Variants in PTPRO observed in about 807,000 individuals in gnomAD.
PTPRO encodes the protein receptor-type tyrosine-protein phosphatase O.
In PTPRO, 62 loss-of-function variants were observed where a neutral mutation model predicts 145.2. That is an observed-to-expected ratio of 0.43 (90% confidence interval 0.35 to 0.53). PTPRO has a LOEUF of 0.53. Among genes scored for constraint, PTPRO ranks in the 20% least tolerant of loss-of-function variants. The pLI, the probability that PTPRO is intolerant of heterozygous loss-of-function variation, is 0.01. For synonymous variants in PTPRO, 565 were observed against 514.7 expected (o/e 1.10, Z -1.32); for missense variants, 1,345 against 1,482.7 (o/e 0.91, Z 1.53).
At position 15,322,605 on chromosome 12, in the gene PTPRO, C is replaced by T; in HGVS notation, c.-122C>T. Reference sequence around the variant, plus strand: ...GCAGGGGGACTGGAAAGGCAGCATGCGCTCGCCAGGAGCAACCTCGGCGCC... The same window carrying T: ...GCAGGGGGACTGGAAAGGCAGCATGTGCTCGCCAGGAGCAACCTCGGCGCC... On this transcript the variant is annotated 5_prime_UTR_variant, in exon 1 of 27. Transcript: ENST00000281171. This position sits in a 1 kb window ranked among gnomAD's most constrained non-coding sequence, Gnocchi z 6.3. The T allele has an allele frequency of 1.2e-6, 1 of 805,744 alleles. No homozygotes were observed. The highest frequency in any genetic ancestry group is 2.1e-6 in the Non-Finnish European group (1 of 471,376). The allele number at this position is 805,744 out of a possible 1,614,324, so 49.9% of individuals were successfully genotyped here.
At position 15,499,572 on chromosome 12, in the gene PTPRO, C is replaced by T. The variant is rs142711597; in HGVS notation, c.639C>T (p.His213=). 358 of 1,613,696 alleles carry T rather than the reference C, an allele frequency of 2.2e-4. No homozygotes were observed. The African/African-American group carries it at 2.9e-3, about 13-fold the overall frequency. Reference sequence around the variant, plus strand: ...TTGTTGAGTACAGTGGTGTCAGTCACGAACCCAAACAGCACAGAACTGGTA... The same window carrying T: ...TTGTTGAGTACAGTGGTGTCAGTCATGAACCCAAACAGCACAGAACTGGTA... ...STLVEYSGVS[H]EPKQHRTAPY... is the part of the protein sequence containing the mutation. Residue 213 remains histidine (H), a synonymous_variant, in exon 4 of 27, where the codon CAC becomes CAT. Transcript: ENST00000281171.
chr12:15,422,733 A>G (rs1347884564), intron 1 of PTPRO, among the ~76,000 whole-genome samples: 1 of 152,184 alleles, frequency 6.6e-6, no homozygotes, highest in Non-Finnish European at 1.5e-5. Context: ...CATATTTAGG[A>G]AATGTTTGCT....
chr12:15,466,320 C>G (rs1941414369), intron 1 of PTPRO, among the ~76,000 whole-genome samples: 1 of 152,042 alleles, frequency 6.6e-6, no homozygotes, highest in Non-Finnish European at 1.5e-5. Context: ...AGTAATCATT[C>G]TGATTCAGTT....
At chr12:15,571,025 GA>G (rs1480611624) in intron 19 of PTPRO, among the ~76,000 whole-genome samples, 1 of 152,180 alleles carries the variant, frequency 6.6e-6, no homozygotes, top group Non-Finnish European at 1.5e-5. Flanking sequence ...TAAACTAAAG[GA>G]AAGGGGGTTT....
At chr12:15,449,050 A>C (rs9651808) in intron 1 of PTPRO, among the ~76,000 whole-genome samples, 134,713 of 151,468 alleles carry the variant, frequency 0.89, 61,604 homozygotes, top group Non-Finnish European at 0.99. Flanking sequence ...ATTCGCAAAT[A>C]GGGCATCCCC....
intron 14 of PTPRO, 62 bp from the exon 15 acceptor site, chr12:15,551,489 A>T (rs1943458007): frequency 1.9e-6 from 3 of 1,590,930 alleles, no homozygotes; most frequent in Non-Finnish European, 2.6e-6. Context: ...AAAGCAATGA[A>T]TGGTTCTGTT....
intron 16 of PTPRO, among the ~76,000 whole-genome samples, chr12:15,558,038 A>T (rs2135579644): frequency 6.6e-6 from 1 of 152,048 alleles, no homozygotes; most frequent in South Asian, 2.1e-4. Context: ...GGGCTCAAGT[A>T]ATCTTTCCAC....
rs573475779 is a variant in PTPRO, at chr12:15,427,669, C to A, written c.76-56305C>A. 3.6e-3 allele frequency among the ~76,000 whole-genome samples: 541 copies of A among 151,470 alleles called. 3 individuals carry two copies. Among genetic ancestry groups the A allele is most frequent in the African/African-American group, 0.012 (516 of 41,352 alleles). On this transcript the variant is annotated intron_variant, in intron 1 of 26. Transcript: ENST00000281171. ...ATTAAGAATCTTTTTAATATCTTAA[C>A]CTTACATGTATAAATTTATTAGGTC...
chr12:15,453,298 G>A (rs886437557), intron 1 of PTPRO, among the ~76,000 whole-genome samples: 1 of 151,936 alleles, frequency 6.6e-6, no homozygotes, highest in Non-Finnish European at 1.5e-5. Flanking sequence ...CAGCATGGGT[G>A]ACAGAGTGAG....
rs575801363 is a variant in PTPRO, at chr12:15,451,646, C to T, written c.76-32328C>T. ...GAAAATTGAAATTATATCAAGCACTCTCTCAGACCACAATGGAATAAAATT... is the reference window on the plus strand; with the variant it reads ...GAAAATTGAAATTATATCAAGCACTTTCTCAGACCACAATGGAATAAAATT... On this transcript the variant is annotated intron_variant, in intron 1 of 26. Transcript: ENST00000281171. Among the ~76,000 whole-genome samples, 12 of 152,276 alleles carry T rather than the reference C, an allele frequency of 7.9e-5. No individual in the cohort carries two copies. In the South Asian group the frequency reaches 1.5e-3, roughly 18 times the overall value.
chr12:15,410,685 A>G (rs1939774619), intron 1 of PTPRO: 1 of 152,196 alleles, frequency 6.6e-6, no homozygotes, highest in African/African-American at 2.4e-5. Flanking sequence ...TTTGCATCCT[A>G]ATGAAAATGT....
chr12:15,570,752 T>C (rs1287971393), intron 19 of PTPRO, among the ~76,000 whole-genome samples: 1 of 152,194 alleles, frequency 6.6e-6, no homozygotes, highest in African/African-American at 2.4e-5. Flanking sequence ...AATAAATAGC[T>C]AGATGATTCT....
At chr12:15,449,005 A>G (rs1423757892) in intron 1 of PTPRO, among the ~76,000 whole-genome samples, 1 of 151,642 alleles carries the variant, frequency 6.6e-6, no homozygotes, top group African/African-American at 2.4e-5. Flanking sequence ...AAAGTTAGGC[A>G]GAATTAAATT....
chr12:15,522,734 A>ATT (rs1942751307), intron 10 of PTPRO, among the ~76,000 whole-genome samples: 1 of 152,172 alleles, frequency 6.6e-6, no homozygotes, highest in Non-Finnish European at 1.5e-5. Flanking sequence ...CAATCATAGT[A>ATT]ATTATGCGGA....
intron 10 of PTPRO, among the ~76,000 whole-genome samples, chr12:15,523,820 C>T (rs555735710): frequency 2.0e-5 from 3 of 150,618 alleles, no homozygotes; most frequent in African/African-American, 7.3e-5. Flanking sequence ...TTTTTTGAGG[C>T]AGGGTCTCAC....
intron 13 of PTPRO, among the ~76,000 whole-genome samples, chr12:15,547,923 A>G (rs1861599): frequency 0.3 from 45,508 of 152,078 alleles, 6,826 homozygotes; most frequent in Middle Eastern, 0.43. Context: ...GCTGTTGTAC[A>G]GTAGTACTTG....
intron 1 of PTPRO, among the ~76,000 whole-genome samples, chr12:15,364,619 CTG>C (rs1163602146): frequency 1.3e-5 from 2 of 152,198 alleles, no homozygotes; most frequent in Admixed American, 1.3e-4. Context: ...AGATTATTGA[CTG>C]TAATTAAACT....
At chr12:15,490,447 T>C (rs1201093126) in intron 2 of PTPRO, among the ~76,000 whole-genome samples, 3 of 152,206 alleles carry the variant, frequency 2.0e-5, no homozygotes, top group African/African-American at 7.2e-5. Context: ...AATTAAACTT[T>C]ATAGACACCA....
intron 1 of PTPRO, among the ~76,000 whole-genome samples, chr12:15,339,116 A>G (rs1056794346): frequency 6.6e-6 from 1 of 152,206 alleles, no homozygotes; most frequent in African/African-American, 2.4e-5. Context: ...ATTCAGATAA[A>G]GGAAAAAGCT....
Sources: gnomAD v4.1 joint callset for allele counts (sites outside exome capture counted in the v4.1 genomes callset) on GRCh38, gnomAD v4.1.1 for gene constraint, Gnocchi (gnomAD v3.1) non-coding constraint, MANE v1.5 for transcripts, NCBI Gene and HGNC (gene_info 2026-07-23, HGNC 2026-07-21) for gene names.